Variants in C11orf65 observed in about 807,000 individuals in gnomAD.
The protein encoded by C11orf65 is chromosome 11 open reading frame 65.
A neutral mutation model predicts 35.3 loss-of-function variants in C11orf65; 38 were observed. The observed-to-expected ratio is 1.08, with a 90% CI of 0.83 to 1.41. The LOEUF (loss-of-function observed/expected upper bound fraction) is 1.41, where lower values mean the gene tolerates loss of function less well. Ranked by LOEUF, C11orf65 falls within the 40% of genes most tolerant of loss-of-function variation. The pLI, the probability that C11orf65 is intolerant of heterozygous loss-of-function variation, is 0.00. For missense variants in C11orf65, 370 were observed against 367.1 expected (o/e 1.01, Z -0.06); for synonymous variants, 105 against 114.4 (o/e 0.92, Z 0.53).
intron 2 of C11orf65, among the ~76,000 whole-genome samples, chr11:108,457,272 T>C (rs549299363): frequency 6.6e-6 from 1 of 152,290 alleles, no homozygotes; most frequent in Admixed American, 6.5e-5. Flanking sequence ...AGATTACTTC[T>C]AAAGTTAATA....
chr11:108,438,477 G>A (rs2093100151), intron 2 of C11orf65, among the ~76,000 whole-genome samples: 1 of 151,854 alleles, frequency 6.6e-6, no homozygotes, highest in Admixed American at 6.6e-5. Flanking sequence ...CTCAAACCTG[G>A]GAGGCGGAGT....
intron 3 of C11orf65, among the ~76,000 whole-genome samples, chr11:108,417,445 G>A (rs1157819340): frequency 2.0e-5 from 3 of 152,036 alleles, no homozygotes; most frequent in Non-Finnish European, 2.9e-5. Context: ...TGGGGAGGCT[G>A]GAGCACAAGA....
At chr11:108,439,943 C>A (rs896749340) in intron 2 of C11orf65, among the ~76,000 whole-genome samples, 9 of 151,992 alleles carry the variant, frequency 5.9e-5, no homozygotes, top group Admixed American at 3.9e-4. Flanking sequence ...CACCTAAAAA[C>A]GGTTAAACTG....
chr11:108,368,005 G>A (rs2091420697), intron 2 of C11orf65: 1 of 206,270 alleles, frequency 4.8e-6, no homozygotes, highest in African/African-American at 2.3e-5. Context: ...AAATGAATTT[G>A]TAGCTAATTC....
chr11:108,315,232 C>G (rs2084516808), intron 6 of C11orf65, among the ~76,000 whole-genome samples: 1 of 152,180 alleles, frequency 6.6e-6, no homozygotes, highest in Admixed American at 6.5e-5. Context: ...ACAGTAGCAA[C>G]TGAGGTAGCT....
chr11:108,309,175 G>A, intron 6 of C11orf65: 9 of 588,980 alleles, frequency 1.5e-5, no homozygotes, highest in South Asian at 4.7e-5. Context: ...CAGTATGTTG[G>A]GCAAAAACAA....
intron 1 of C11orf65, among the ~76,000 whole-genome samples, chr11:108,465,101 T>C (rs972033655): frequency 6.6e-6 from 1 of 152,242 alleles, no homozygotes; most frequent in African/African-American, 2.4e-5. Context: ...GTGACAGCAT[T>C]AGCATTAATT....
At chr11:108,308,649 A>C (rs922254016) in exon 7 of C11orf65, 6 of 224,500 alleles carry the variant, frequency 2.7e-5, no homozygotes, top group Admixed American at 2.5e-4. Flanking sequence ...GTAGGAATCG[A>C]TGTCTCATAA....
rs376922744 is a variant in C11orf65 at position 108,354,902 on chromosome 11, T to G, written c.227-19610A>C. 1.3e-6 allele frequency: 2 copies of G among 1,566,182 alleles called. No homozygotes were observed. Among genetic ancestry groups the G allele is most frequent in the African/African-American group, 1.4e-5 (1 of 73,942 alleles). On this transcript the variant is annotated intron_variant, in intron 2 of 3. Coordinates refer to the C11orf65 transcript ENST00000524755. Reference sequence around the variant, plus strand: ...AAAGTATTTTATAAGGAAGACTTTATTTTTTTTCTTACCAGGTAGACTGTG... The same window carrying G: ...AAAGTATTTTATAAGGAAGACTTTAGTTTTTTTCTTACCAGGTAGACTGTG...
At chr11:108,386,538 G>C (rs548719772) in intron 7 of C11orf65, among the ~76,000 whole-genome samples, 3 of 152,204 alleles carry the variant, frequency 2.0e-5, no homozygotes, top group Non-Finnish European at 2.9e-5. Flanking sequence ...CCTGAACAGA[G>C]ACTGAAATAG....
chr11:108,408,609 G>C (rs2092590310), intron 3 of C11orf65, among the ~76,000 whole-genome samples: 1 of 150,870 alleles, frequency 6.6e-6, no homozygotes, highest in Non-Finnish European at 1.5e-5. Context: ...CAGGGAGGTG[G>C]AGGCTTCAGT....
intron 2 of C11orf65, chr11:108,355,103 G>A (rs1271520955): frequency 1.9e-6 from 1 of 538,482 alleles, no homozygotes; most frequent in Non-Finnish European, 3.3e-6. Flanking sequence ...AGCATTGTAA[G>A]TAGTCTCTAG....
At chr11:108,417,085 TAACATGTTG>T (rs1261914249) in intron 3 of C11orf65, among the ~76,000 whole-genome samples, 6 of 152,100 alleles carry the variant, frequency 3.9e-5, no homozygotes, top group Admixed American at 6.5e-5. Context: ...TAGAAGGCCA[TAACATGTTG>T]AAAAAGAACG....
chr11:108,446,090 T>A (rs1454923948), intron 2 of C11orf65, among the ~76,000 whole-genome samples: 1 of 151,976 alleles, frequency 6.6e-6, no homozygotes, highest in Non-Finnish European at 1.5e-5. Flanking sequence ...GAAAAAAGAA[T>A]AAAAAGAAAC....
At chr11:108,453,754 G>A (rs1414198716) in intron 2 of C11orf65, among the ~76,000 whole-genome samples, 1 of 152,136 alleles carries the variant, frequency 6.6e-6, no homozygotes, top group African/African-American at 2.4e-5. Flanking sequence ...GCACACAAAG[G>A]ATAAATCTCA....
chr11:108,394,772 GGTTCTGT>G (rs1375678725), intron 6 of C11orf65, among the ~76,000 whole-genome samples: 1 of 152,168 alleles, frequency 6.6e-6, no homozygotes, highest in African/African-American at 2.4e-5. Context: ...TGTGAATCTT[GGTTCTGT>G]GTTACATAAT....
At chr11:108,325,865 GAGAC>G (rs990484566) in intron 6 of C11orf65, among the ~76,000 whole-genome samples, 36 of 152,210 alleles carry the variant, frequency 2.4e-4, no homozygotes, top group African/African-American at 7.0e-4. Context: ...CATATAGAGA[GAGAC>G]AGACAGACAG....
chr11:108,351,849 G>A (rs1322106458), intron 2 of C11orf65, among the ~76,000 whole-genome samples: 1 of 152,160 alleles, frequency 6.6e-6, no homozygotes, highest in Non-Finnish European at 1.5e-5. Context: ...ACTGTTACCT[G>A]CTAGTCTATA....
At chr11:108,377,495 C>A (rs1376156317) in intron 2 of C11orf65, among the ~76,000 whole-genome samples, 6 of 152,202 alleles carry the variant, frequency 3.9e-5, no homozygotes, top group Non-Finnish European at 7.4e-5. Flanking sequence ...ATAATAAGAG[C>A]TATCTATGAC....
Sources: gnomAD v4.1 joint callset for allele counts (sites outside exome capture counted in the v4.1 genomes callset) on GRCh38, gnomAD v4.1.1 for gene constraint, MANE v1.5 for transcripts, NCBI Gene and HGNC (gene_info 2026-07-23, HGNC 2026-07-21) for gene names.